CYB5B: variants seen among roughly 807,000 people sequenced by gnomAD.
CYB5B encodes cytochrome b5 type B, also known as cytochrome b5 type B (outer mitochondrial membrane).
A neutral mutation model predicts 21.3 loss-of-function variants in CYB5B; 14 were observed. The observed-to-expected ratio is 0.66, with a 90% confidence interval of 0.43 to 1.03. The LOEUF (loss-of-function observed/expected upper bound fraction) is 1.03. Among genes scored for constraint, CYB5B ranks in the 50% least tolerant of loss-of-function variants. The pLI is 0.00. For synonymous variants in CYB5B, 69 were observed against 68.4 expected (o/e 1.01, Z -0.04); for missense variants, 166 against 185.1 (o/e 0.90, Z 0.60).
At chr16:69,441,277 C>T (rs1001727120) in intron 1 of CYB5B, among the ~76,000 whole-genome samples, 2 of 151,894 alleles carry the variant, frequency 1.3e-5, no homozygotes, top group Non-Finnish European at 2.9e-5. Context: ...CCTCAGCCTC[C>T]TGAGTAGCTG....
chr16:69,427,820 C>G (rs1055600547), intron 1 of CYB5B, among the ~76,000 whole-genome samples: 6 of 151,922 alleles, frequency 3.9e-5, no homozygotes, highest in African/African-American at 1.5e-4. Context: ...ATGGTGAAAC[C>G]TCGTCTCTAC....
intron 1 of CYB5B, among the ~76,000 whole-genome samples, chr16:69,428,783 A>G (rs1161799713): frequency 6.6e-6 from 1 of 152,210 alleles, no homozygotes; most frequent in Non-Finnish European, 1.5e-5. Flanking sequence ...AGTAAAGGCC[A>G]GGAGCAAAGT....
intron 1 of CYB5B, among the ~76,000 whole-genome samples, chr16:69,429,212 C>T (rs1457828158): frequency 6.6e-6 from 1 of 152,076 alleles, no homozygotes; most frequent in Non-Finnish European, 1.5e-5. Context: ...TTAAAGGTGG[C>T]ACAGACCCAA....
chr16:69,439,274 G>A (rs1000809466), intron 1 of CYB5B, among the ~76,000 whole-genome samples: 3 of 152,126 alleles, frequency 2.0e-5, no homozygotes, highest in African/African-American at 4.8e-5. Flanking sequence ...ATGGGAGCTC[G>A]ATCTTGGCTC....
In CYB5B at chr16:69,465,044, T is replaced by C. The variant is rs1258067105; in HGVS notation, c.*2524T>C. ...CAAATCCATCCAAAAGGACCTTTTT[T>C]TTAGGAAGTAGACTTGAATTCACAA... On this transcript the variant is annotated 3_prime_UTR_variant, in exon 5 of 5. Coordinates refer to ENST00000307892, the MANE Select transcript of CYB5B (RefSeq NM_030579.3). The C allele has an allele frequency of 6.6e-6, 1 of 152,236 alleles. No homozygotes were observed. Among genetic ancestry groups the C allele is most frequent in the East Asian group, 1.9e-4 (1 of 5,202 alleles). The allele number at this position is 152,236 out of a possible 1,614,324, so 9.4% of individuals were successfully genotyped here. A position where few individuals can be genotyped will look rare whatever the true frequency, so the allele number is the denominator to read the frequency against.
At chr16:69,454,801 A>G (rs1414840261) in intron 3 of CYB5B, among the ~76,000 whole-genome samples, 2 of 152,264 alleles carry the variant, frequency 1.3e-5, no homozygotes, top group African/African-American at 4.8e-5. Flanking sequence ...TAAAGTCTTT[A>G]TATACCTTAT....
At chr16:69,445,210 G>C (rs1223556307) in intron 1 of CYB5B, among the ~76,000 whole-genome samples, 7 of 152,156 alleles carry the variant, frequency 4.6e-5, no homozygotes, top group African/African-American at 1.7e-4. Context: ...CCACAACAAA[G>C]AACAGTTTCA....
rs980087136 is a variant in CYB5B at position 69,459,208 on chromosome 16, T to C, written c.362+87T>C. 6 of 1,476,580 alleles carry C rather than the reference T, an allele frequency of 4.1e-6. No individual in the cohort carries two copies. The South Asian group carries it at 8.2e-5, about 20-fold the overall frequency. The allele number at this position is 1,476,580 out of a possible 1,614,324, so 91.5% of individuals were successfully genotyped here. A position where few individuals can be genotyped will look rare whatever the true frequency, so the allele number is the denominator to read the frequency against. On this transcript the variant is annotated intron_variant, in intron 4 of 4. Transcript: ENST00000307892. The stretch of plus-strand genomic sequence containing the variant: ...ATAAGTATATGTATGTAACATAACT[T>C]ATGAGTGCAGTTTGACAACTAATTC...
intron 3 of CYB5B, among the ~76,000 whole-genome samples, chr16:69,452,544 G>A (rs1330021389): frequency 6.6e-6 from 1 of 151,980 alleles, no homozygotes; most frequent in Non-Finnish European, 1.5e-5. Flanking sequence ...AGCTGGGAAT[G>A]GTGGTGTCCC....
chr16:69,435,254 G>C (rs1031539495), intron 1 of CYB5B, among the ~76,000 whole-genome samples: 1 of 152,202 alleles, frequency 6.6e-6, no homozygotes, highest in Non-Finnish European at 1.5e-5. Flanking sequence ...TGCATATATA[G>C]ACTTATTATG....
rs999845909 is a variant in CYB5B at position 69,464,310 on chromosome 16, A to G, written c.*1790A>G. 6.6e-6 allele frequency: 1 copy of G among 152,208 alleles called. No individual in the cohort carries two copies. The allele number at this position is 152,208 out of a possible 1,614,324, so 9.4% of individuals were successfully genotyped here. ...CTGGCTGACTTTTATTATCAGGGAT[A>G]TGGGTTTAGTAAAGCTTTTATCTTT... On this transcript the variant is annotated 3_prime_UTR_variant, in exon 5 of 5. Coordinates refer to ENST00000307892, the MANE Select transcript of CYB5B (RefSeq NM_030579.3).
At chr16:69,430,217 A>AT (rs2014691400) in intron 1 of CYB5B, among the ~76,000 whole-genome samples, 1 of 151,904 alleles carries the variant, frequency 6.6e-6, no homozygotes, top group Admixed American at 6.6e-5. Context: ...TATATAATGT[A>AT]TTTTTTTTTC....
intron 1 of CYB5B, among the ~76,000 whole-genome samples, chr16:69,442,029 G>A (rs2014828231): frequency 6.6e-6 from 1 of 152,170 alleles, no homozygotes; most frequent in Non-Finnish European, 1.5e-5. Context: ...AATACAGGGA[G>A]ATTCATTTTG....
intron 3 of CYB5B, among the ~76,000 whole-genome samples, chr16:69,452,519 A>C (rs1353615227): frequency 1.3e-5 from 2 of 151,868 alleles, no homozygotes; most frequent in Non-Finnish European, 2.9e-5. Context: ...CGTTTCTACT[A>C]AAAATACAAA....
rs2015064110 is a variant in CYB5B at position 69,464,197 on chromosome 16, G to C, written c.*1677G>C. On this transcript the variant is annotated 3_prime_UTR_variant, in exon 5 of 5. Transcript: ENST00000307892. The stretch of plus-strand genomic sequence containing the variant: ...CCCAGGTCTTGTATCCTGTGATTTA[G>C]CAGTTGAATGAATACAGAATTCATC... 6.6e-6 allele frequency: 1 copy of C among 152,130 alleles called. No homozygotes were observed. 9.4% of individuals were successfully genotyped at this position (152,130 alleles called of 1,614,324 possible).
chr16:69,440,605 C>T (rs930688431), intron 1 of CYB5B, among the ~76,000 whole-genome samples: 2 of 152,092 alleles, frequency 1.3e-5, no homozygotes, highest in Admixed American at 6.5e-5. Context: ...GTGTATGTGG[C>T]AGTGGTTCGT....
rs764478641 is a variant in CYB5B at position 69,424,793 on chromosome 16, C to G, written c.110C>G (p.Ser37Cys). 23 of 1,609,028 alleles carry G rather than the reference C, an allele frequency of 1.4e-5. No individual in the cohort carries two copies. The Admixed American group carries it at 3.7e-4, about 26-fold the overall frequency. ...TTGGAGGAGGTGGCAAAGCGCAACT[C>G]CTTGAAGGAACTGTGGCTTGTGATC... ...YRLEEVAKRN[S>C]LKELWLVIHG... Residue 37 changes from serine to cysteine, a missense_variant, in exon 1 of 5, where the codon TCC (serine) becomes TGC (cysteine). Physicochemically the swap from Ser to Cys is moderately radical, Grantham distance 112 (BLOSUM62 -1). Transcript: ENST00000307892.
intron 1 of CYB5B, among the ~76,000 whole-genome samples, chr16:69,427,061 G>A (rs1417063793): frequency 2.0e-5 from 3 of 152,082 alleles, no homozygotes; most frequent in Admixed American, 6.6e-5. Context: ...CCAACACGGC[G>A]AAACCTCGTC....
At chr16:69,438,552 T>A (rs1487871463) in intron 1 of CYB5B, among the ~76,000 whole-genome samples, 1 of 152,140 alleles carries the variant, frequency 6.6e-6, no homozygotes, top group Non-Finnish European at 1.5e-5. Flanking sequence ...TTTTTTTTAA[T>A]TGTAGCCATC....
Sources: allele counts gnomAD v4.1 joint callset (sites outside exome capture counted in the v4.1 genomes callset), GRCh38; gene constraint gnomAD v4.1.1; transcripts MANE v1.5; gene names NCBI Gene and HGNC (gene_info 2026-07-23, HGNC 2026-07-21).